The following METTL22 variants were observed in gnomAD, a reference collection of about 807,000 sequenced individuals.
The protein encoded by METTL22 is methyltransferase-like protein 22.
A neutral mutation model predicts 48.4 loss-of-function variants in METTL22; 51 were observed. The observed-to-expected ratio is 1.05, with a 90% CI of 0.84 to 1.33. The LOEUF (loss-of-function observed/expected upper bound fraction) is 1.33, where lower values mean the gene tolerates loss of function less well. Among genes scored for constraint, METTL22 ranks in the 40% most tolerant of loss-of-function variants. METTL22 has a pLI of 0.00. For missense variants in METTL22, 678 were observed against 526.9 expected (o/e 1.29, Z -2.81); for synonymous variants, 255 against 214.1 (o/e 1.19, Z -1.67).
intron 3 of METTL22, among the ~76,000 whole-genome samples, chr16:8,634,834 A>C (rs977280387): frequency 3.3e-5 from 5 of 152,134 alleles, no homozygotes; most frequent in African/African-American, 1.2e-4. Context: ...CCCCATTCCA[A>C]AAAGCTCCCA....
chr16:8,640,533 G>GT, intron 6 of METTL22, among the ~76,000 whole-genome samples: 1 of 73,100 alleles, frequency 1.4e-5, no homozygotes, highest in African/African-American at 5.1e-5. Flanking sequence ...GATGGATGAG[G>GT]AGGGAAGGAG....
intron 6 of METTL22, among the ~76,000 whole-genome samples, chr16:8,640,491 G>A (rs1044249163): frequency 5.0e-5 from 7 of 138,662 alleles, no homozygotes; most frequent in Non-Finnish European, 7.7e-5. Flanking sequence ...AAGAATGGAC[G>A]GATGGATGGA....
intron 10 of METTL22, chr16:8,645,823 GCAACTCAC>G: frequency 1.3e-6 from 1 of 764,526 alleles, no homozygotes; most frequent in Non-Finnish European, 1.7e-6. Context: ...GAGAGATACG[GCAACTCAC>G]TGCTATTCTG....
the METTL22 span, among the ~76,000 whole-genome samples, chr16:8,663,358 A>T: frequency 6.6e-6 from 1 of 152,164 alleles, no homozygotes. Flanking sequence ...ATGGTAAAAC[A>T]GTCTCACTTG....
intron 1 of METTL22, among the ~76,000 whole-genome samples, chr16:8,622,002 A>G (rs2055867110): frequency 6.6e-6 from 1 of 152,120 alleles, no homozygotes; most frequent in African/African-American, 2.4e-5. Context: ...TCGGTTCTAG[A>G]TTAGGAAGGG....
Position 8,646,949 on chromosome 16 carries a change from G to A in METTL22, c.*806G>A. 2.9e-6 allele frequency: 1 copy of A among 345,614 alleles called. No homozygotes were observed. Among genetic ancestry groups the A allele is most frequent in the South Asian group, 2.3e-5 (1 of 44,220 alleles). 21.4% of individuals were successfully genotyped at this position (345,614 alleles called of 1,614,324 possible). Reference sequence around the variant, plus strand: ...TCCACCCCTTCCTGTCATCCTCTATGTCCCACTGTCTCTCTCCTTCTCTCC... The same window carrying A: ...TCCACCCCTTCCTGTCATCCTCTATATCCCACTGTCTCTCTCCTTCTCTCC... On this transcript the variant is annotated 3_prime_UTR_variant, in exon 11 of 11. Coordinates refer to ENST00000381920, the MANE Select transcript of METTL22 (RefSeq NM_024109.4).
the METTL22 span, among the ~76,000 whole-genome samples, chr16:8,662,806 C>T: frequency 1.4e-5 from 2 of 144,644 alleles, 1 homozygote; most frequent in Non-Finnish European, 3.0e-5. Flanking sequence ...GCCTCAGAAT[C>T]CTGGTCTGTA....
At chr16:8,630,056 C>T (rs547142830) in intron 3 of METTL22, among the ~76,000 whole-genome samples, 177 of 152,180 alleles carry the variant, frequency 1.2e-3, no homozygotes, top group Non-Finnish European at 9.1e-4. Flanking sequence ...GATTTGAGGC[C>T]GTTCATTGAG....
chr16:8,645,708 C>G (rs2056765244), intron 10 of METTL22, among the ~76,000 whole-genome samples: 2 of 152,154 alleles, frequency 1.3e-5, no homozygotes, highest in Non-Finnish European at 2.9e-5. Flanking sequence ...CCCAGAAGTT[C>G]AAGGCTGCAG....
chr16:8,664,459 G>A, the METTL22 span, among the ~76,000 whole-genome samples: 2 of 151,018 alleles, frequency 1.3e-5, no homozygotes, highest in African/African-American at 4.9e-5. Flanking sequence ...TTTTATTTAT[G>A]TATTTTTTTT....
intron 3 of METTL22, chr16:8,631,606 G>A (rs2056266410): frequency 6.6e-6 from 1 of 152,250 alleles, no homozygotes; most frequent in South Asian, 2.1e-4. Context: ...ACTGGCCCAA[G>A]CTGGGAGGAG....
At chr16:8,662,691 A>G in the METTL22 span, among the ~76,000 whole-genome samples, 1 of 143,862 alleles carries the variant, frequency 7.0e-6, no homozygotes, top group African/African-American at 2.6e-5. Flanking sequence ...GCCTTCCCCC[A>G]GCACCCCTTT....
At chr16:8,654,997 A>G in the METTL22 span, among the ~76,000 whole-genome samples, 1 of 152,228 alleles carries the variant, frequency 6.6e-6, no homozygotes, top group East Asian at 1.9e-4. Context: ...TGGGAAGGGA[A>G]AAAAGGGAGT....
At chr16:8,627,387 A>G (rs537347399) in intron 2 of METTL22, among the ~76,000 whole-genome samples, 4 of 152,116 alleles carry the variant, frequency 2.6e-5, no homozygotes, top group African/African-American at 7.2e-5. Context: ...AGAAGCAACC[A>G]TAAGATACAA....
At chr16:8,665,508 A>T in the METTL22 span, among the ~76,000 whole-genome samples, 1 of 152,142 alleles carries the variant, frequency 6.6e-6, no homozygotes, top group African/African-American at 2.4e-5. Context: ...CGTGTCTGAA[A>T]ACTTCCAGGA....
intron 6 of METTL22, chr16:8,639,739 G>T: frequency 6.3e-6 from 1 of 159,356 alleles, no homozygotes; most frequent in Non-Finnish European, 1.4e-5. Flanking sequence ...TCCCTGCACG[G>T]CCTGCAGGGA....
chr16:8,646,067 T>C, intron 10 of METTL22, 41 bp from the exon 11 acceptor site: 1 of 1,444,818 alleles, frequency 6.9e-7, no homozygotes, highest in Non-Finnish European at 9.0e-7. Flanking sequence ...TGCTCTTGTA[T>C]GTGCACTTCA....
At chr16:8,651,684 A>G (rs984552383), downstream of METTL22, among the ~76,000 whole-genome samples, 10 of 152,218 alleles carry the variant, frequency 6.6e-5, no homozygotes, top group African/African-American at 2.2e-4. Context: ...TGAAAAGTCA[A>G]ATGGAAAAAG....
In METTL22 at chr16:8,628,985, C is replaced by T; in HGVS notation, c.389C>T (p.Ala130Val). The T allele has an allele frequency of 6.2e-7, 1 of 1,614,116 alleles. No individual in the cohort carries two copies. Among genetic ancestry groups the T allele is most frequent in the Non-Finnish European group, 8.5e-7 (1 of 1,180,046 alleles). Residue 130 changes from alanine to valine, a missense_variant, in exon 3 of 11, where the codon GCC becomes GTC. By Grantham distance (64) the Ala-to-Val change is moderately conservative. Transcript: ENST00000381920. ...GDLDVVRRPR[A>V]ASDSNPAGPL... Reference sequence around the variant, plus strand: ...TTGGACGTGGTGAGAAGACCACGAGCCGCCTCTGATTCCAACCCAGCAGGG... The same window carrying T: ...TTGGACGTGGTGAGAAGACCACGAGTCGCCTCTGATTCCAACCCAGCAGGG...
Sources: allele counts gnomAD v4.1 joint callset (sites outside exome capture counted in the v4.1 genomes callset), GRCh38; gene constraint gnomAD v4.1.1; transcripts MANE v1.5; gene names NCBI Gene and HGNC (gene_info 2026-07-23, HGNC 2026-07-21).